Variants in BICC1 observed in about 807,000 individuals in gnomAD.
BICC1 encodes BicC family RNA binding protein 1, also known as protein bicaudal C homolog 1.
Under a neutral mutation model 111.0 loss-of-function variants are expected in BICC1, and 43 were observed. The ratio of observed to expected loss-of-function variants is 0.39; its 90% confidence interval spans 0.30 to 0.50. BICC1 has a LOEUF of 0.50. Among genes scored for constraint, BICC1 ranks in the 20% least tolerant of loss-of-function variants. BICC1 has a pLI of 0.88. For synonymous variants in BICC1, 467 were observed against 434.4 expected (o/e 1.07, Z -0.93); for missense variants, 1,091 against 1,203.2 (o/e 0.91, Z 1.38).
chr10:58,569,380 A>G (rs1289709889), intron 1 of BICC1, among the ~76,000 whole-genome samples: 2 of 152,164 alleles, frequency 1.3e-5, no homozygotes, highest in Non-Finnish European at 2.9e-5. Flanking sequence ...TAAACATGCA[A>G]TTAAAATGGA....
At chr10:58,553,337 G>T (rs536301991) in intron 1 of BICC1, among the ~76,000 whole-genome samples, 3 of 152,310 alleles carry the variant, frequency 2.0e-5, no homozygotes, top group African/African-American at 7.2e-5. Flanking sequence ...AGGAGTTAGA[G>T]TCAGAGGAAT....
chr10:58,552,892 T>C (rs1251581851), intron 1 of BICC1, among the ~76,000 whole-genome samples: 1 of 152,188 alleles, frequency 6.6e-6, no homozygotes, highest in Non-Finnish European at 1.5e-5. Context: ...GATATTAAAG[T>C]ATGTAGAACA....
intron 17 of BICC1, among the ~76,000 whole-genome samples, chr10:58,811,067 T>G (rs927719404): frequency 6.6e-6 from 1 of 152,202 alleles, no homozygotes; most frequent in Non-Finnish European, 1.5e-5. Context: ...GAAATTAATC[T>G]ACTTCAAAGA....
At chr10:58,735,405 C>T (rs537874335) in intron 3 of BICC1, among the ~76,000 whole-genome samples, 5 of 152,312 alleles carry the variant, frequency 3.3e-5, no homozygotes, top group African/African-American at 4.8e-5. Flanking sequence ...AATGTTACAC[C>T]GTGCCTTCCA....
At chr10:58,745,102 T>C (rs17823303) in intron 3 of BICC1, among the ~76,000 whole-genome samples, 3,927 of 152,288 alleles carry the variant, frequency 0.026, 65 homozygotes, top group Middle Eastern at 0.061. Flanking sequence ...TTTAACCACA[T>C]GATGACTCTA....
At chr10:58,639,255 C>G (rs1018214150) in intron 2 of BICC1, among the ~76,000 whole-genome samples, 5 of 152,238 alleles carry the variant, frequency 3.3e-5, no homozygotes, top group East Asian at 1.9e-4. Context: ...AAAATAGTGT[C>G]CAAGAAGCAG....
At chr10:58,547,863 A>G (rs1275789994) in intron 1 of BICC1, among the ~76,000 whole-genome samples, 4 of 152,122 alleles carry the variant, frequency 2.6e-5, no homozygotes, top group Non-Finnish European at 4.4e-5. Flanking sequence ...CTGGCACTAC[A>G]AGATGCTCAT....
intron 2 of BICC1, among the ~76,000 whole-genome samples, chr10:58,676,519 G>A (rs1839346943): frequency 6.6e-6 from 1 of 152,174 alleles, no homozygotes; most frequent in Admixed American, 6.5e-5. Flanking sequence ...CTCTGGGCAG[G>A]GAATCTCTGA....
At chr10:58,560,932 A>C (rs893848285) in intron 1 of BICC1, among the ~76,000 whole-genome samples, 1 of 151,882 alleles carries the variant, frequency 6.6e-6, no homozygotes, top group African/African-American at 2.4e-5. Context: ...AAATAGGTTG[A>C]GGCTTGTTTT....
At chr10:58,617,044 A>C (rs1251214011) in intron 1 of BICC1, among the ~76,000 whole-genome samples, 1 of 152,256 alleles carries the variant, frequency 6.6e-6, no homozygotes, top group East Asian at 1.9e-4. Flanking sequence ...GCATGTGACC[A>C]CAGATAGTTT....
At chr10:58,588,268 T>A (rs1844491277) in intron 1 of BICC1, among the ~76,000 whole-genome samples, 1 of 152,216 alleles carries the variant, frequency 6.6e-6, no homozygotes, top group African/African-American at 2.4e-5. Flanking sequence ...TATTTTGTGA[T>A]TATTTATTTG....
At position 58,817,518 on chromosome 10, in the gene BICC1, T is replaced by C. The variant is rs200000150; in HGVS notation, c.2534-44T>C. 9.3e-5 allele frequency: 150 copies of C among 1,608,212 alleles called. 1 individual carries two copies. The African/African-American group carries it at 1.3e-3, about 14-fold the overall frequency. ...AAACTTTTAATTAAACCATGTTCTC[T>C]CTGGGCATTTACACTTCAAGCCTGT... On this transcript the variant is annotated intron_variant, in intron 18 of 20. Transcript: ENST00000373886.
At position 58,793,592 on chromosome 10, in the gene BICC1, C is replaced by G. The variant is rs749334225; in HGVS notation, c.1156C>G (p.Pro386Ala). The G allele has an allele frequency of 3.7e-6, 6 of 1,613,626 alleles. No individual in the cohort carries two copies. Residue 386 changes from proline (P) to alanine (A), a missense_variant, in exon 9 of 21, where the codon CCA becomes GCA. Physicochemically the swap from Pro to Ala is conservative, Grantham distance 27 (BLOSUM62 -1). Around this residue, in one of 3 missense-constraint regions of BICC1, gnomAD observed 843 missense variants for 900.8 expected, o/e 0.94. Coordinates refer to ENST00000373886, the MANE Select transcript of BICC1 (RefSeq NM_001080512.3). ...EQLDVFISIK[P>A]KPKQPSKSVI... Reference sequence around the variant, plus strand: ...GCTTGATGTCTTCATCAGTATTAAACCAAAGCCCAAACAGCCAAGCAAGGT... The same window carrying G: ...GCTTGATGTCTTCATCAGTATTAAAGCAAAGCCCAAACAGCCAAGCAAGGT...
chr10:58,666,335 G>C (rs751385516), intron 2 of BICC1, among the ~76,000 whole-genome samples: 52 of 152,156 alleles, frequency 3.4e-4, no homozygotes, highest in Non-Finnish European at 5.0e-4. Flanking sequence ...TATTGTTTCA[G>C]GTGCATATTA....
At chr10:58,657,830 T>C (rs1246893791) in intron 2 of BICC1, among the ~76,000 whole-genome samples, 2 of 152,126 alleles carry the variant, frequency 1.3e-5, no homozygotes, top group Non-Finnish European at 2.9e-5. Context: ...TCTTGCTGCA[T>C]ATTACATATT....
chr10:58,686,849 A>T (rs149873246), intron 2 of BICC1, among the ~76,000 whole-genome samples: 2 of 152,202 alleles, frequency 1.3e-5, no homozygotes, highest in African/African-American at 4.8e-5. Context: ...GTTATTACCA[A>T]TCGTCTGAAG....
intron 8 of BICC1, among the ~76,000 whole-genome samples, chr10:58,793,021 G>A (rs944881190): frequency 3.3e-5 from 5 of 152,132 alleles, no homozygotes; most frequent in African/African-American, 9.7e-5. Flanking sequence ...TAAATCTGTG[G>A]TTGAACAAGC....
intron 1 of BICC1, among the ~76,000 whole-genome samples, chr10:58,563,423 C>T (rs910957139): frequency 5.3e-5 from 8 of 152,164 alleles, no homozygotes; most frequent in Admixed American, 1.3e-4. Context: ...ATGGTGGCAA[C>T]GGAGGCTACC....
intron 2 of BICC1, among the ~76,000 whole-genome samples, chr10:58,640,302 T>C (rs1838084596): frequency 6.6e-6 from 1 of 152,176 alleles, no homozygotes; most frequent in Non-Finnish European, 1.5e-5. Context: ...GTCAGTTGTA[T>C]AGGAAGAAAC....
Sources: allele counts gnomAD v4.1 joint callset (sites outside exome capture counted in the v4.1 genomes callset), GRCh38; gene constraint gnomAD v4.1.1; regional missense constraint gnomAD v4.1.1; transcripts MANE v1.5; gene names NCBI Gene and HGNC (gene_info 2026-07-23, HGNC 2026-07-21).